Variants in PDE4D observed in about 807,000 individuals in gnomAD.
PDE4D encodes the protein phosphodiesterase 4D, also known as 3',5'-cyclic-AMP phosphodiesterase 4D.
Under a neutral mutation model 87.4 loss-of-function variants are expected in PDE4D, and 24 were observed. The observed-to-expected ratio is 0.27, with a 90% CI of 0.20 to 0.39. The LOEUF is 0.39. Ranked by LOEUF, PDE4D falls within the 10% of genes least tolerant of loss-of-function variation. The pLI is 1.00. For missense variants in PDE4D, 714 were observed against 1,041.0 expected, an observed-to-expected ratio of 0.69 and a Z score of 4.32; for synonymous variants, 384 against 383.2, an observed-to-expected ratio of 1.00 and a Z score of -0.02.
chr5:60,281,509 A>C (rs898196346), intron 1 of PDE4D, among the ~76,000 whole-genome samples: 1 of 152,190 alleles, frequency 6.6e-6, no homozygotes, highest in Non-Finnish European at 1.5e-5. Flanking sequence ...TAGTATACCA[A>C]CTACGATGGC....
At chr5:59,205,081 C>T (rs1310589236) in intron 2 of PDE4D, among the ~76,000 whole-genome samples, 3 of 152,012 alleles carry the variant, frequency 2.0e-5, no homozygotes, top group Non-Finnish European at 4.4e-5. Context: ...GGCAGTCATG[C>T]CCTTGACAAG....
At chr5:59,223,267 G>T (rs1752961368) in intron 1 of PDE4D, among the ~76,000 whole-genome samples, 1 of 152,168 alleles carries the variant, frequency 6.6e-6, no homozygotes, top group South Asian at 2.1e-4. Flanking sequence ...AGTGTGGAAG[G>T]CTTGGAGGTC....
At chr5:59,391,401 G>C (rs1285133052) in intron 1 of PDE4D, among the ~76,000 whole-genome samples, 2 of 152,048 alleles carry the variant, frequency 1.3e-5, no homozygotes, top group African/African-American at 4.8e-5. Context: ...ACAAAGAAAA[G>C]GATTTTTTTA....
intron 5 of PDE4D, among the ~76,000 whole-genome samples, chr5:59,117,890 A>G (rs746022551): frequency 3.3e-5 from 5 of 151,532 alleles, no homozygotes; most frequent in Admixed American, 2.6e-4. Context: ...CACACAATAG[A>G]TTGTCAAATT....
rs370381700 is a variant in PDE4D, at chr5:60,294,240, T to C, written c.-89-108553A>G. 9.7e-4 allele frequency among the ~76,000 whole-genome samples: 148 copies of C among 152,358 alleles called. 1 individual carries two copies. Among genetic ancestry groups the C allele is most frequent in the African/African-American group, 3.5e-3 (144 of 41,590 alleles). On this transcript the variant is annotated intron_variant, in intron 1 of 16. Coordinates refer to the PDE4D transcript ENST00000502484. ...CATTTGTATATTTACTTTTGTAAAG[T>C]GTCCCTTGAAATGCTTTGCCCATTT...
At chr5:59,592,481 A>G (rs140452352) in intron 1 of PDE4D, among the ~76,000 whole-genome samples, 58 of 152,240 alleles carry the variant, frequency 3.8e-4, no homozygotes, top group African/African-American at 1.3e-3. Context: ...TTAAACACCT[A>G]GTTTCATCAC....
chr5:60,339,488 C>T lies in PDE4D; in HGVS notation c.-90+148454G>A, dbSNP rs115792829. On this transcript the variant is annotated intron_variant, in intron 1 of 16. Transcript: ENST00000502484. ...AGAACAGAATGCAAATTAAAACTTACGAATTGTGTATCTCTTAAATGTTCC... is the reference window on the plus strand; with the variant it reads ...AGAACAGAATGCAAATTAAAACTTATGAATTGTGTATCTCTTAAATGTTCC... Among the ~76,000 whole-genome samples, 497 of 152,234 alleles carry T rather than the reference C, an allele frequency of 3.3e-3. 4 individuals carry two copies. Among genetic ancestry groups the T allele is most frequent in the African/African-American group, 0.011 (468 of 41,552 alleles).
At chr5:59,372,802 A>G (rs1182967495) in intron 1 of PDE4D, among the ~76,000 whole-genome samples, 1 of 152,182 alleles carries the variant, frequency 6.6e-6, no homozygotes, top group East Asian at 1.9e-4. Flanking sequence ...CAGCTGTCCC[A>G]TCTCAGCACC....
chr5:59,915,755 G>C (rs574192158), intron 3 of PDE4D, among the ~76,000 whole-genome samples: 1 of 152,264 alleles, frequency 6.6e-6, no homozygotes, highest in African/African-American at 2.4e-5. Flanking sequence ...TTAATAGGAA[G>C]TATGAGTAAA....
chr5:59,746,660 A>G (rs1005230591), intron 1 of PDE4D, among the ~76,000 whole-genome samples: 1 of 151,910 alleles, frequency 6.6e-6, no homozygotes, highest in Non-Finnish European at 1.5e-5. Context: ...CGTGACTCCT[A>G]GCGTTCAGTC....
At chr5:60,147,644 G>A (rs187887574) in intron 2 of PDE4D, 11 of 325,620 alleles carry the variant, frequency 3.4e-5, no homozygotes, top group Admixed American at 1.2e-4. Flanking sequence ...AAGAATTCAG[G>A]AGAGCTTAGG....
chr5:60,307,981 C>T (rs1020485720), intron 1 of PDE4D, among the ~76,000 whole-genome samples: 11 of 152,100 alleles, frequency 7.2e-5, no homozygotes, highest in Non-Finnish European at 1.5e-4. Context: ...GCTATGGTTG[C>T]AGTGAGCCGA....
intron 1 of PDE4D, among the ~76,000 whole-genome samples, chr5:59,855,425 GA>G (rs1745286761): frequency 1.3e-5 from 2 of 152,052 alleles, no homozygotes; most frequent in Admixed American, 6.6e-5. Context: ...AATTTAGAAG[GA>G]AAACCTCAAG....
chr5:60,227,784 A>T (rs1745302717), intron 1 of PDE4D, among the ~76,000 whole-genome samples: 1 of 152,070 alleles, frequency 6.6e-6, no homozygotes, highest in Non-Finnish European at 1.5e-5. Flanking sequence ...CAGTCTTGTT[A>T]TTTGCCATGA....
chr5:60,423,140 G>C (rs953187766), intron 1 of PDE4D, among the ~76,000 whole-genome samples: 1 of 152,100 alleles, frequency 6.6e-6, no homozygotes, highest in Non-Finnish European at 1.5e-5. Flanking sequence ...ATCAACCAGA[G>C]AGAAGGTTAA....
chr5:59,836,635 T>TATC (rs1554095499), intron 1 of PDE4D, among the ~76,000 whole-genome samples: 1 of 150,212 alleles, frequency 6.7e-6, no homozygotes, highest in Non-Finnish European at 1.5e-5. Context: ...TCTATCTATC[T>TATC]ATCTATCTAT....
At chr5:59,830,306 C>T (rs1459529074) in intron 1 of PDE4D, among the ~76,000 whole-genome samples, 1 of 148,356 alleles carries the variant, frequency 6.7e-6, no homozygotes, top group Non-Finnish European at 1.5e-5. Context: ...ATTAATACCG[C>T]TTGAGTTTTT....
At chr5:59,381,431 CTCTT>C (rs1785833150) in intron 1 of PDE4D, among the ~76,000 whole-genome samples, 2 of 151,940 alleles carry the variant, frequency 1.3e-5, no homozygotes, top group Non-Finnish European at 2.9e-5. Context: ...ATCCTCATTC[CTCTT>C]TATTTTTATA....
intron 1 of PDE4D, among the ~76,000 whole-genome samples, chr5:60,455,464 T>C (rs568841565): frequency 3.3e-5 from 5 of 152,116 alleles, no homozygotes; most frequent in Non-Finnish European, 7.4e-5. Context: ...TCTTGAAGAC[T>C]AATGGAGATA....
Sources: gnomAD v4.1 joint callset for allele counts (sites outside exome capture counted in the v4.1 genomes callset) on GRCh38, gnomAD v4.1.1 for gene constraint, MANE v1.5 for transcripts, NCBI Gene and HGNC (gene_info 2026-07-23, HGNC 2026-07-21) for gene names.